Variants in ARHGAP42 observed in about 807,000 individuals in gnomAD.
ARHGAP42 encodes the protein Rho GTPase activating protein 42, also known as rho GTPase-activating protein 42.
ARHGAP42 carries 63 observed loss-of-function variants against 125.0 expected under a neutral mutation model. That is an observed-to-expected ratio of 0.50 (90% CI 0.41 to 0.62). The LOEUF (loss-of-function observed/expected upper bound fraction) is 0.62. Among genes scored for constraint, ARHGAP42 ranks in the 20% least tolerant of loss-of-function variants. ARHGAP42 has a pLI of 0.00. For missense variants in ARHGAP42, 766 were observed against 1,024.2 expected (o/e 0.75, Z 3.44); for synonymous variants, 339 against 351.0 (o/e 0.97, Z 0.38).
intron 2 of ARHGAP42, among the ~76,000 whole-genome samples, chr11:100,779,764 A>G (rs1005464077): frequency 1.3e-5 from 2 of 151,320 alleles, no homozygotes; most frequent in African/African-American, 2.4e-5. Context: ...GGTGACTCAC[A>G]TCTGTAATCC....
chr11:100,725,382 G>A (rs558067926), intron 1 of ARHGAP42, among the ~76,000 whole-genome samples: 1 of 151,608 alleles, frequency 6.6e-6, no homozygotes, highest in Non-Finnish European at 1.5e-5. Context: ...TGTTGGTCAG[G>A]CTGGTCTTGA....
chr11:100,967,900 T>G (rs1160838037), intron 17 of ARHGAP42, among the ~76,000 whole-genome samples: 1 of 152,042 alleles, frequency 6.6e-6, no homozygotes, highest in African/African-American at 2.4e-5. Flanking sequence ...AATTTTGCAT[T>G]TTTAGTAGAG....
intron 2 of ARHGAP42, among the ~76,000 whole-genome samples, chr11:100,772,277 C>T (rs1178244775): frequency 1.3e-5 from 2 of 152,188 alleles, no homozygotes; most frequent in South Asian, 2.1e-4. Flanking sequence ...TTCACAAGAG[C>T]TCCTTTTGGA....
At chr11:100,817,532 A>G (rs1375301826) in intron 3 of ARHGAP42, among the ~76,000 whole-genome samples, 3 of 152,196 alleles carry the variant, frequency 2.0e-5, no homozygotes, top group Non-Finnish European at 4.4e-5. Context: ...TTGAATTCAG[A>G]TGAAGTATTT....
At chr11:100,798,498 T>C (rs1023185161) in intron 3 of ARHGAP42, among the ~76,000 whole-genome samples, 1 of 152,156 alleles carries the variant, frequency 6.6e-6, no homozygotes, top group Non-Finnish European at 1.5e-5. Flanking sequence ...GCTCAGACGA[T>C]TGTTAGCATT....
intron 1 of ARHGAP42, among the ~76,000 whole-genome samples, chr11:100,731,413 T>C (rs1457712295): frequency 2.6e-5 from 4 of 152,096 alleles, no homozygotes; most frequent in Non-Finnish European, 5.9e-5. Flanking sequence ...ACTCCTAGAG[T>C]GCAGGGATTA....
intron 18 of ARHGAP42, among the ~76,000 whole-genome samples, chr11:100,974,204 C>A (rs914695754): frequency 6.6e-6 from 1 of 152,108 alleles, no homozygotes; most frequent in African/African-American, 2.4e-5. Context: ...TAAAAACCAT[C>A]AATATGTCTT....
intron 1 of ARHGAP42, among the ~76,000 whole-genome samples, chr11:100,724,792 T>C (rs1440826191): frequency 1.3e-5 from 2 of 151,652 alleles, no homozygotes; most frequent in African/African-American, 4.8e-5. Flanking sequence ...CCTCTGTTAA[T>C]TTTCCATTTT....
At position 100,706,695 on chromosome 11, in the gene ARHGAP42, T is replaced by A. The variant is rs1441270059; in HGVS notation, c.154+18863T>A. Among the ~76,000 whole-genome samples, 3 of 152,366 alleles carry A rather than the reference T, an allele frequency of 2.0e-5. No individual in the cohort carries two copies. In the East Asian group the frequency reaches 5.8e-4, roughly 29 times the overall value. ...CAAGATGTCATTTCAAAGGGTTGATTTTAATTTTATGGGAATGCCTTCTTT... is the reference window on the plus strand; with the variant it reads ...CAAGATGTCATTTCAAAGGGTTGATATTAATTTTATGGGAATGCCTTCTTT... On this transcript the variant is annotated intron_variant, in intron 1 of 23. Coordinates refer to ENST00000298815, the MANE Select transcript of ARHGAP42 (RefSeq NM_152432.4).
At position 100,980,559 on chromosome 11, in the gene ARHGAP42, CTTTTTTTTTTTT is replaced by C. The variant is rs763302463; in HGVS notation, c.2456+1529_2456+1540del. On this transcript the variant is annotated intron_variant, in intron 22 of 23. Transcript: ENST00000298815. ...TCAAATCATACTTCTTTTTCTTCTT[CTTTTTTTTTTTT>C]TTTTTTTTTTTTTTTTTTGAGAAAG... 2.8e-3 allele frequency among the ~76,000 whole-genome samples: 144 copies of C among 51,952 alleles called. 4 individuals are homozygous for C. Among genetic ancestry groups the C allele is most frequent in the African/African-American group, 6.5e-3 (114 of 17,428 alleles). 34.1% of individuals were successfully genotyped at this position (51,952 alleles called of 152,430 possible).
At chr11:100,970,643 C>G (rs1858216578) in intron 17 of ARHGAP42, among the ~76,000 whole-genome samples, 1 of 152,030 alleles carries the variant, frequency 6.6e-6, no homozygotes, top group African/African-American at 2.4e-5. Context: ...CTTTCTGTCT[C>G]TTTCCCTAGT....
At chr11:100,881,829 T>TTTTG (rs142882226) in intron 4 of ARHGAP42, among the ~76,000 whole-genome samples, 3,732 of 151,872 alleles carry the variant, frequency 0.025, 127 homozygotes, top group African/African-American at 0.078. Context: ...TTTTGTTAGT[T>TTTTG]TTTGTTTGTT....
chr11:100,965,405 C>T (rs1858065707), intron 16 of ARHGAP42, among the ~76,000 whole-genome samples: 1 of 152,112 alleles, frequency 6.6e-6, no homozygotes, highest in African/African-American at 2.4e-5. Context: ...TTGGCTGTAT[C>T]AAAGTATACA....
intron 3 of ARHGAP42, among the ~76,000 whole-genome samples, chr11:100,846,893 A>G (rs938769720): frequency 6.6e-6 from 1 of 152,174 alleles, no homozygotes; most frequent in Non-Finnish European, 1.5e-5. Context: ...AGGGGGAGCT[A>G]GAATTTATAA....
In ARHGAP42 at chr11:100,896,975, C is replaced by T. The variant is rs183065099; in HGVS notation, c.385-16477C>T. Among the ~76,000 whole-genome samples, 344 of 152,234 alleles carry T rather than the reference C, an allele frequency of 2.3e-3. 2 individuals are homozygous for T. Among genetic ancestry groups the T allele is most frequent in the African/African-American group, 6.6e-3 (276 of 41,546 alleles). The stretch of plus-strand genomic sequence containing the variant: ...TTCTAGGGATTTTATGGTTTTAGGT[C>T]TAACATTTAAGTCTTTAATCCATCT... On this transcript the variant is annotated intron_variant, in intron 4 of 23. Coordinates refer to ENST00000298815, the MANE Select transcript of ARHGAP42 (RefSeq NM_152432.4).
At chr11:100,735,514 T>C (rs987621132) in intron 1 of ARHGAP42, among the ~76,000 whole-genome samples, 1 of 152,104 alleles carries the variant, frequency 6.6e-6, no homozygotes, top group African/African-American at 2.4e-5. Flanking sequence ...CTTTGCATGA[T>C]TTCTAGTTTT....
intron 2 of ARHGAP42, among the ~76,000 whole-genome samples, chr11:100,771,072 T>TC (rs373998917): frequency 1.4e-4 from 21 of 152,030 alleles, no homozygotes; most frequent in African/African-American, 4.8e-4. Flanking sequence ...TTCCTTTTTT[T>TC]TCTTAATACT....
intron 3 of ARHGAP42, among the ~76,000 whole-genome samples, chr11:100,810,049 A>G (rs1022644028): frequency 5.9e-5 from 9 of 152,276 alleles, no homozygotes; most frequent in African/African-American, 2.2e-4. Flanking sequence ...CAAATAATCT[A>G]TAAATTATTA....
At chr11:100,832,647 A>T (rs147510285) in intron 3 of ARHGAP42, among the ~76,000 whole-genome samples, 59 of 152,304 alleles carry the variant, frequency 3.9e-4, no homozygotes, top group Admixed American at 3.8e-3. Flanking sequence ...CTTACAGAAC[A>T]TTGAAGCTAA....
Sources: gnomAD v4.1 joint callset for allele counts (sites outside exome capture counted in the v4.1 genomes callset) on GRCh38, gnomAD v4.1.1 for gene constraint, MANE v1.5 for transcripts, NCBI Gene and HGNC (gene_info 2026-07-23, HGNC 2026-07-21) for gene names.